The following ITIH5 variants were observed in gnomAD, a reference collection of about 807,000 sequenced individuals.
ITIH5 encodes inter-alpha-trypsin inhibitor heavy chain 5.
Under a neutral mutation model 77.5 loss-of-function variants are expected in ITIH5, and 65 were observed. The observed-to-expected ratio is 0.84, with a 90% CI of 0.69 to 1.03. The LOEUF (loss-of-function observed/expected upper bound fraction) is 1.03, where lower values mean the gene tolerates loss of function less well. Ranked by LOEUF, ITIH5 falls within the 50% of genes least tolerant of loss-of-function variation. ITIH5 has a pLI of 0.00. For missense variants in ITIH5, 1,208 were observed against 1,213.1 expected, an observed-to-expected ratio of 1.00 and a Z score of 0.06; for synonymous variants, 525 against 494.3, an observed-to-expected ratio of 1.06 and a Z score of -0.82.
At chr10:7,660,841 G>A (rs372893977) in intron 1 of ITIH5, among the ~76,000 whole-genome samples, 2 of 152,236 alleles carry the variant, frequency 1.3e-5, no homozygotes, top group South Asian at 2.1e-4. Flanking sequence ...ATGTAAAGGC[G>A]AGGTTTGCAT....
At chr10:7,563,464 G>T in intron 13 of ITIH5, 80 bp from the exon 14 acceptor site, 3 of 1,305,970 alleles carry the variant, frequency 2.3e-6, no homozygotes, top group East Asian at 2.4e-5. Context: ...AGCTATCAGT[G>T]GCAGAAAGGC....
At chr10:7,642,129 T>G in intron 2 of ITIH5, 39 bp from the exon 3 acceptor site, 1 of 1,535,648 alleles carries the variant, frequency 6.5e-7, no homozygotes, top group Non-Finnish European at 8.9e-7. Flanking sequence ...CGGTGATGCA[T>G]GAAAGCATTT....
rs190986683 is a variant in ITIH5 at position 7,626,573 on chromosome 10, C to T, written c.653-9291G>A. On this transcript the variant is annotated intron_variant, in intron 5 of 13. Coordinates refer to ENST00000397146, the MANE Select transcript of ITIH5 (RefSeq NM_030569.7). ...CCGCAGAGCAGAGACCGGACCCAGA[C>T]CGGGACCCTGGAGCTGGGGGTTTCA... Among the ~76,000 whole-genome samples the T allele has an allele frequency of 3.3e-5, 5 of 152,324 alleles. No individual in the cohort carries two copies. The East Asian group carries it at 9.6e-4, about 29-fold the overall frequency.
At chr10:7,648,585 C>A (rs1252067611) in intron 2 of ITIH5, among the ~76,000 whole-genome samples, 1 of 152,210 alleles carries the variant, frequency 6.6e-6, no homozygotes, top group Non-Finnish European at 1.5e-5. Flanking sequence ...CAGAAGTTTA[C>A]AGCTGTAGCT....
chr10:7,592,041 T>C (rs1440557791), intron 7 of ITIH5, among the ~76,000 whole-genome samples: 2 of 152,054 alleles, frequency 1.3e-5, no homozygotes, highest in African/African-American at 4.8e-5. Context: ...CAGCTGATTT[T>C]AGTATTTTTA....
intron 7 of ITIH5, among the ~76,000 whole-genome samples, chr10:7,597,063 A>AAAAAAAAAAAAAAAAAAAAAAAAAAAT (rs750714870): frequency 9.1e-5 from 13 of 142,748 alleles, no homozygotes; most frequent in Non-Finnish European, 1.7e-4. Flanking sequence ...AAAAAAAAAA[A>AAAAAAAAAAAAAAAAAAAAAAAAAAAT]ATTCCACCAA....
chr10:7,573,256 G>A (rs1167651036), intron 10 of ITIH5, 61 bp from the exon 11 acceptor site: 2 of 1,427,802 alleles, frequency 1.4e-6, no homozygotes, highest in African/African-American at 1.4e-5. Flanking sequence ...AGAGAGAGGT[G>A]CAAAGGGAGA....
At chr10:7,593,095 A>AT (rs201036425) in intron 7 of ITIH5, among the ~76,000 whole-genome samples, 8,447 of 151,664 alleles carry the variant, frequency 0.056, 245 homozygotes, top group Middle Eastern at 0.17. Flanking sequence ...TTAAGCTGGC[A>AT]TTTTTTTTTC....
intron 1 of ITIH5, among the ~76,000 whole-genome samples, chr10:7,656,246 G>C (rs776693143): frequency 2.0e-5 from 3 of 152,270 alleles, no homozygotes; most frequent in South Asian, 4.1e-4. Context: ...ACATGGCCTC[G>C]CTGTGTTGCT....
At chr10:7,626,285 C>G (rs1185202652) in intron 5 of ITIH5, among the ~76,000 whole-genome samples, 2 of 152,176 alleles carry the variant, frequency 1.3e-5, no homozygotes, top group Admixed American at 6.5e-5. Flanking sequence ...CAGAGAAAAG[C>G]CAAAGCCTCT....
chr10:7,579,853 G>A lies in ITIH5; in HGVS notation c.1320C>T (p.Asn440=), dbSNP rs112770949. 8.5e-5 allele frequency: 137 copies of A among 1,614,200 alleles called. No individual in the cohort carries two copies. Among genetic ancestry groups the A allele is most frequent in the African/African-American group, 6.3e-4 (47 of 75,050 alleles). The change falls in exon 9 of 14, where the codon AAC becomes AAT. Residue 440 remains asparagine, a synonymous_variant. Transcript: ENST00000397146. ...QVCIFTIGIG[N]DVDFRLLEKL... ...TCTCCAGCAGCCTGAAGTCCACGTCGTTGCCGATGCCAATGGTGAAGATGC... is the reference window on the plus strand; with the variant it reads ...TCTCCAGCAGCCTGAAGTCCACGTCATTGCCGATGCCAATGGTGAAGATGC...
intron 2 of ITIH5, among the ~76,000 whole-genome samples, chr10:7,644,570 T>TATCACATATATATCATAC (rs1833953652): frequency 1.3e-5 from 1 of 74,330 alleles, no homozygotes; most frequent in African/African-American, 5.6e-5. Flanking sequence ...ATATATGATA[T>TATCACATATATATCATAC]ATATCACATA....
intron 5 of ITIH5, among the ~76,000 whole-genome samples, chr10:7,628,746 CATGTTG>C (rs1296980635): frequency 0.059 from 7,951 of 135,414 alleles, 680 homozygotes; most frequent in Admixed American, 0.18. Context: ...AGCGTGTGTC[CATGTTG>C]CAGCGTGTGT....
At chr10:7,568,497 T>C (rs1321628088) in intron 12 of ITIH5, among the ~76,000 whole-genome samples, 2 of 152,198 alleles carry the variant, frequency 1.3e-5, no homozygotes, top group East Asian at 1.9e-4. Context: ...TAGGCCCCTA[T>C]CTTGCTCCTG....
Position 7,563,250 on chromosome 10 carries a change from C to T in ITIH5, c.2662G>A (p.Val888Met). ...VLTVKGHQVP[V>M]VWKQRKIYNG... ...TAAATCTTCCTTTGCTTCCAGACCA[C>T]TGGGACTTGGTGGCCTTTCACTGTT... The change falls in exon 14 of 14, where the codon GTG becomes ATG. Residue 888 changes from valine to methionine, a missense_variant. Coordinates refer to ENST00000397146, the MANE Select transcript of ITIH5 (RefSeq NM_030569.7). 1 of 1,614,232 alleles carries T rather than the reference C, an allele frequency of 6.2e-7. No homozygotes were observed. Among genetic ancestry groups the T allele is most frequent in the Admixed American group, 1.7e-5 (1 of 60,034 alleles).
At chr10:7,628,864 CGT>C (rs1491099554) in intron 5 of ITIH5, among the ~76,000 whole-genome samples, 1 of 139,064 alleles carries the variant, frequency 7.2e-6, no homozygotes, top group Non-Finnish European at 1.6e-5. Flanking sequence ...CCTGTTGTAG[CGT>C]GTGTCCGTGT....
chr10:7,661,669 G>T (rs1244534909), intron 1 of ITIH5, among the ~76,000 whole-genome samples: 1 of 152,184 alleles, frequency 6.6e-6, no homozygotes, highest in Non-Finnish European at 1.5e-5. Flanking sequence ...TGATATTACA[G>T]CTAAAATTCC....
chr10:7,582,843 G>C (rs1832593780), intron 8 of ITIH5, among the ~76,000 whole-genome samples: 3 of 152,164 alleles, frequency 2.0e-5, no homozygotes, highest in Non-Finnish European at 4.4e-5. Context: ...AGGCTGGGCA[G>C]GGTAGTGGGG....
intron 2 of ITIH5, among the ~76,000 whole-genome samples, chr10:7,643,501 T>C (rs1242362212): frequency 2.0e-5 from 3 of 152,222 alleles, no homozygotes; most frequent in Non-Finnish European, 4.4e-5. Context: ...GCCACTATTA[T>C]GTGAGACTGT....
Sources: gnomAD v4.1 joint callset for allele counts (sites outside exome capture counted in the v4.1 genomes callset) on GRCh38, gnomAD v4.1.1 for gene constraint, MANE v1.5 for transcripts, NCBI Gene and HGNC (gene_info 2026-07-23, HGNC 2026-07-21) for gene names.